The following CDSN variants were observed in gnomAD, a reference collection of about 807,000 sequenced individuals.
CDSN encodes the protein corneodesmosin, also known as S protein.
CDSN carries 11 observed loss-of-function variants against 25.6 expected under a neutral mutation model. The observed-to-expected ratio is 0.43, with a 90% CI of 0.27 to 0.71. The LOEUF is 0.71. CDSN is among the 30% of genes least tolerant of loss of function. The probability of loss-of-function intolerance (pLI) is 0.20; values close to 1 mark genes in which losing one functional copy is unlikely to be tolerated. For synonymous variants in CDSN, 266 were observed against 267.4 expected, an observed-to-expected ratio of 0.99 and a Z score of 0.05; for missense variants, 598 against 670.9, an observed-to-expected ratio of 0.89 and a Z score of 1.20.
At chr6:31,117,717 A>G (rs1772243861) in intron 1 of CDSN, 188 bp from the exon 2 acceptor site, 2 of 613,324 alleles carry the variant, frequency 3.3e-6, no homozygotes, top group South Asian at 3.9e-5. Context: ...GAATAAAGGC[A>G]TTTCTTTGTT....
At chr6:31,118,949 T>C (rs1212662704) in intron 1 of CDSN, 1 of 150,252 alleles carries the variant, frequency 6.7e-6, no homozygotes, top group African/African-American at 2.5e-5. Context: ...TGCAAGCGAT[T>C]CTCCTGCCTC....
At position 31,116,450 on chromosome 6, in the gene CDSN, C is replaced by T; in HGVS notation, c.1165G>A (p.Gly389Arg). The T allele has an allele frequency of 6.3e-7, 1 of 1,591,852 alleles. No homozygotes were observed. Among genetic ancestry groups the T allele is most frequent in the Non-Finnish European group, 8.6e-7 (1 of 1,168,872 alleles). The change falls in exon 2 of 2, where the codon GGA becomes AGA. Residue 389 changes from glycine (G) to arginine (R), a missense_variant. Physicochemically the swap from Gly to Arg is moderately radical, Grantham distance 125. Coordinates refer to ENST00000376288, the MANE Select transcript of CDSN (RefSeq NM_001264.5). Reference sequence around the variant, plus strand: ...CGAGAACTGGAGGGAGAGCAGGGTCCCTTGGAGCCCGTGGAGCCGCCTCCA... The same window carrying T: ...CGAGAACTGGAGGGAGAGCAGGGTCTCTTGGAGCCCGTGGAGCCGCCTCCA... ...LCGGGSTGSK[G>R]PCSPSSSRVP...
In CDSN at chr6:31,116,710, G is replaced by A. The variant is rs1276571683; in HGVS notation, c.905C>T (p.Ser302Phe). Residue 302 changes from serine to phenylalanine, a missense_variant, in exon 2 of 2, where the codon TCC becomes TTC. Physicochemically the swap from Ser to Phe is radical, Grantham distance 155. Transcript: ENST00000376288. The part of the protein sequence containing the change: ...SYGGYEVVGG[S>F]SDSYLVPGMT... ...GCCTGGAACCAGATAACTGTCAGAG[G>A]AGCCACCCACCACCTCGTAGCCACC... is the stretch of plus-strand genomic sequence containing the variant. 1 of 1,612,774 alleles carries A rather than the reference G, an allele frequency of 6.2e-7. No homozygotes were observed. The highest frequency in any genetic ancestry group is 8.5e-7 in the Non-Finnish European group (1 of 1,180,004).
chr6:31,115,586 T>G lies in CDSN; in HGVS notation c.*439A>C. The G allele has an allele frequency of 1.1e-5, 2 of 183,524 alleles. No individual in the cohort carries two copies. Among genetic ancestry groups the G allele is most frequent in the African/African-American group, 2.3e-5 (1 of 42,568 alleles). 11.4% of individuals were successfully genotyped at this position (183,524 alleles called of 1,614,324 possible). A position where few individuals can be genotyped will look rare whatever the true frequency, so the allele number is the denominator to read the frequency against. On this transcript the variant is annotated 3_prime_UTR_variant, in exon 2 of 2. Transcript: ENST00000376288. The surrounding 1 kb of genome is among the most constrained non-coding windows in gnomAD (Gnocchi z 4.2). ...AAAAGTGGCCACTGTTTCCAGATGA[T>G]GGTTTGACTTTGCTTTATTTGGTAA...
Position 31,115,965 on chromosome 6 carries a change from G to A in CDSN, c.*60C>T. 1 of 1,451,430 alleles carries A rather than the reference G, an allele frequency of 6.9e-7. No individual in the cohort carries two copies. Among genetic ancestry groups the A allele is most frequent in the Non-Finnish European group, 9.6e-7 (1 of 1,036,404 alleles). 89.9% of individuals were successfully genotyped at this position (1,451,430 alleles called of 1,614,324 possible). A position where few individuals can be genotyped will look rare whatever the true frequency, so the allele number is the denominator to read the frequency against. On this transcript the variant is annotated 3_prime_UTR_variant, in exon 2 of 2. Transcript: ENST00000376288. This position sits in a 1 kb window ranked among gnomAD's most constrained non-coding sequence, Gnocchi z 4.2. ...CCTGGGCACTGGACTTCTCCCATAT[G>A]GGATATAGTGTATGTGCTTGTTTGT...
rs1772144871 is a variant in CDSN, at chr6:31,116,655, A to C, written c.960T>G (p.Pro320=). 2 of 1,612,892 alleles carry C rather than the reference A, an allele frequency of 1.2e-6. No homozygotes were observed. The highest frequency in any genetic ancestry group is 2.2e-5 in the East Asian group (1 of 44,878). The change falls in exon 2 of 2, where the codon CCT becomes CCG. Residue 320 remains proline, a synonymous_variant. Coordinates refer to ENST00000376288, the MANE Select transcript of CDSN (RefSeq NM_001264.5). ...GGTTCTCTTTGGTGAAGTAGCCCAC[A>C]GGGTAGATTTTACCCTTACTGTAGG... ...GMTYSKGKIY[P]VGYFTKENPV... is the part of the protein sequence containing the mutation.
In CDSN at chr6:31,116,271, A is replaced by G. The variant is rs3094216; in HGVS notation, c.1344T>C (p.Cys448=). 0.23 allele frequency: 378,734 copies of G among 1,613,834 alleles called. 47,303 individuals are homozygous for G. The highest frequency in any genetic ancestry group is 0.25 in the Non-Finnish European group (300,398 of 1,179,902). Residue 448 remains cysteine (C), a synonymous_variant, in exon 2 of 2, where the codon TGT becomes TGC. Coordinates refer to ENST00000376288, the MANE Select transcript of CDSN (RefSeq NM_001264.5). ...QSSGKIILQP[C]GSKSSSSGHP... ...GACCAGAAGAGCTGGACTTGCTGCC[A>G]CAAGGCTGAAGGATGATTTTGCCAC...
At chr6:31,117,822 G>A in intron 1 of CDSN, 2 of 427,908 alleles carry the variant, frequency 4.7e-6, no homozygotes, top group Non-Finnish European at 8.6e-6. Context: ...GAGGGGGCTG[G>A]GCACAGTGGC....
chr6:31,115,959 C>G lies in CDSN; in HGVS notation c.*66G>C, dbSNP rs1480878178. 52 of 1,429,670 alleles carry G rather than the reference C, an allele frequency of 3.6e-5. 1 individual carries two copies. The highest frequency in any genetic ancestry group is 5.1e-5 in the Non-Finnish European group (52 of 1,017,162). The allele number at this position is 1,429,670 out of a possible 1,614,324, so 88.6% of individuals were successfully genotyped here. ...CCTATGCCTGGGCACTGGACTTCTCCCATATGGGATATAGTGTATGTGCTT... is the reference window on the plus strand; with the variant it reads ...CCTATGCCTGGGCACTGGACTTCTCGCATATGGGATATAGTGTATGTGCTT... On this transcript the variant is annotated 3_prime_UTR_variant, in exon 2 of 2. Coordinates refer to ENST00000376288, the MANE Select transcript of CDSN (RefSeq NM_001264.5). This position sits in a 1 kb window ranked among gnomAD's most constrained non-coding sequence, Gnocchi z 4.2.
Position 31,117,440 on chromosome 6 carries a change from T to A in CDSN, c.175A>T (p.Lys59Ter), listed in dbSNP as rs387906841. ...CTACTGAAACCGCTGGAGTCACCCT[T>A]CCCAGTGAGGCAGGGGTCGTTAGGG... Reference protein sequence around the residue: ...TSPNDPCLTGKGDSSGFSSYS... With the variant: ...TSPNDPCLTG Residue 59 changes from lysine to a stop codon, truncating the protein, a stop_gained, in exon 2 of 2, where the codon AAG becomes TAG. Coordinates refer to ENST00000376288, the MANE Select transcript of CDSN (RefSeq NM_001264.5). LOFTEE classifies it high-confidence loss of function. 66 of 1,558,856 alleles carry A rather than the reference T, an allele frequency of 4.2e-5. No individual in the cohort carries two copies. Among genetic ancestry groups the A allele is most frequent in the Non-Finnish European group, 5.6e-5 (65 of 1,151,558 alleles).
intron 1 of CDSN, chr6:31,118,052 G>A (rs1772264986): frequency 6.3e-6 from 1 of 157,908 alleles, no homozygotes; most frequent in Admixed American, 6.1e-5. Context: ...AGGCTCTGAG[G>A]AGTCCAGGCG....
In CDSN at chr6:31,116,725, T is replaced by G; in HGVS notation, c.890A>C (p.Glu297Ala). The G allele has an allele frequency of 6.2e-7, 1 of 1,612,824 alleles. No individual in the cohort carries two copies. Among genetic ancestry groups the G allele is most frequent in the Non-Finnish European group, 8.5e-7 (1 of 1,180,000 alleles). ...TSVDKSYGGY[E>A]VVGGSSDSYL... ...ACTGTCAGAGGAGCCACCCACCACC[T>G]CGTAGCCACCATAGGATTTGTCTAC... Residue 297 changes from glutamate (E) to alanine (A), a missense_variant, in exon 2 of 2, where the codon GAG becomes GCG. Physicochemically the swap from Glu to Ala is moderately radical, Grantham distance 107 (BLOSUM62 -1). Transcript: ENST00000376288.
At position 31,116,084 on chromosome 6, in the gene CDSN, GC is replaced by G. The variant is rs756296748; in HGVS notation, c.1530del (p.Gln512SerfsTer2). 1 of 1,611,966 alleles carries G rather than the reference GC, an allele frequency of 6.2e-7. No homozygotes were observed. Among genetic ancestry groups the G allele is most frequent in the Admixed American group, 1.7e-5 (1 of 60,012 alleles). On this transcript the variant is annotated frameshift_variant, in exon 2 of 2. Coordinates refer to ENST00000376288, the MANE Select transcript of CDSN (RefSeq NM_001264.5). LOFTEE classifies it high-confidence loss of function. ...AAAACTTCAGGGTCAGCTAGCTGGG[GC>G]CCCAGAGGCTTCACTTGGGCTAGGA... ...RDILAQVKPL[G>X]PQLADPEVFL...
intron 1 of CDSN, among the ~76,000 whole-genome samples, chr6:31,119,494 C>G (rs1279458255): frequency 1.3e-5 from 2 of 152,200 alleles, no homozygotes; most frequent in African/African-American, 4.8e-5. Context: ...GCTTTGCTGC[C>G]TTCTAATGCA....
Position 31,117,489 on chromosome 6 carries a change from A to C in CDSN, c.126T>G (p.Cys42Trp). Residue 42 changes from cysteine to tryptophan, a missense_variant, in exon 2 of 2, where the codon TGT (cysteine) becomes TGG (tryptophan). Cys to Trp is a radical substitution (Grantham distance 215, BLOSUM62 -2). Coordinates refer to ENST00000376288, the MANE Select transcript of CDSN (RefSeq NM_001264.5). Reference sequence around the variant, plus strand: ...GGGAGGTGATACGCGTGGGGTCCTTACAAGGGTCTGAGAAGGTGCCAATGC... The same window carrying C: ...GGGAGGTGATACGCGTGGGGTCCTTCCAAGGGTCTGAGAAGGTGCCAATGC... ...AKSIGTFSDPCKDPTRITSPN... is the reference protein window; with the variant it reads ...AKSIGTFSDPWKDPTRITSPN... 6.4e-7 allele frequency: 1 copy of C among 1,552,188 alleles called. No homozygotes were observed. The highest frequency in any genetic ancestry group is 8.7e-7 in the Non-Finnish European group (1 of 1,147,890).
Position 31,115,740 on chromosome 6 carries a change from A to C in CDSN, c.*285T>G. The C allele has an allele frequency of 2.0e-6, 1 of 500,766 alleles. No homozygotes were observed. The highest frequency in any genetic ancestry group is 3.5e-6 in the Non-Finnish European group (1 of 282,168). 31.0% of individuals were successfully genotyped at this position (500,766 alleles called of 1,614,324 possible). A position where few individuals can be genotyped will look rare whatever the true frequency, so the allele number is the denominator to read the frequency against. ...ATTTCCACACAGTAGAGGGAATTGT[A>C]AGGGGTGGTGATCTGGCTGAGGGGC... On this transcript the variant is annotated 3_prime_UTR_variant, in exon 2 of 2. Coordinates refer to ENST00000376288, the MANE Select transcript of CDSN (RefSeq NM_001264.5). This position sits in a 1 kb window ranked among gnomAD's most constrained non-coding sequence, Gnocchi z 4.2.
rs3130984 is a variant in CDSN, at chr6:31,117,187, T to C, written c.428A>G (p.Asn143Ser). 0.75 allele frequency: 1,211,360 copies of C among 1,613,786 alleles called. 457,328 individuals carry two copies. Among genetic ancestry groups the C allele is most frequent in the African/African-American group, 0.9 (67,362 of 75,022 alleles). The change falls in exon 2 of 2, where the codon AAC becomes AGC. Residue 143 changes from asparagine to serine, a missense_variant. Asn to Ser is a conservative substitution (Grantham distance 46). Coordinates refer to ENST00000376288, the MANE Select transcript of CDSN (RefSeq NM_001264.5). Reference protein sequence around the residue: ...QLGSSSSHSGNSGSHSGSSSS... With the variant: ...QLGSSSSHSGSSGSHSGSSSS... The stretch of plus-strand genomic sequence containing the variant: ...GCTGCTTCCCGAGTGAGAGCCGCTG[T>C]TTCCCGAGTGAGAGCTGCTGCTCCC...
chr6:31,117,104 C>G lies in CDSN; in HGVS notation c.511G>C (p.Gly171Arg). 4.3e-6 allele frequency: 7 copies of G among 1,614,190 alleles called. No homozygotes were observed. Among genetic ancestry groups the G allele is most frequent in the Non-Finnish European group, 5.9e-6 (7 of 1,180,024 alleles). Reference protein sequence around the residue: ...FQFSSSSFQVGNGSALPTNDN... With the variant: ...FQFSSSSFQVRNGSALPTNDN... ...TTGGTTGGCAGAGCAGAGCCATTCC[C>G]TACTTGGAAGCTGCTGCTGCTGAAC... Residue 171 changes from glycine (G) to arginine (R), a missense_variant, in exon 2 of 2, where the codon GGG becomes CGG. Transcript: ENST00000376288.
At chr6:31,119,401 C>G (rs1294903325) in intron 1 of CDSN, among the ~76,000 whole-genome samples, 2 of 152,150 alleles carry the variant, frequency 1.3e-5, no homozygotes, top group Non-Finnish European at 2.9e-5. Flanking sequence ...ATGGGAAGGT[C>G]GCAGAAATTC....
Sources: allele counts gnomAD v4.1 joint callset (sites outside exome capture counted in the v4.1 genomes callset), GRCh38; gene constraint gnomAD v4.1.1; non-coding constraint Gnocchi (gnomAD v3.1); transcripts MANE v1.5; gene names NCBI Gene and HGNC (gene_info 2026-07-23, HGNC 2026-07-21).